MUSK: variants seen among roughly 807,000 people sequenced by gnomAD.
MUSK encodes muscle associated receptor tyrosine kinase, also known as muscle, skeletal receptor tyrosine-protein kinase.
Under a neutral mutation model 88.7 loss-of-function variants are expected in MUSK, and 55 were observed. The observed-to-expected ratio is 0.62, with a 90% confidence interval of 0.50 to 0.78. MUSK has a LOEUF of 0.78. MUSK is among the 30% of genes least tolerant of loss of function. The pLI, the probability that MUSK is intolerant of heterozygous loss-of-function variation, is 0.00. For missense variants in MUSK, 1,015 were observed against 1,074.3 expected (o/e 0.94, Z 0.77); for synonymous variants, 387 against 391.9 (o/e 0.99, Z 0.15).
chr9:110,691,068 T>C (rs917832746), intron 3 of MUSK, among the ~76,000 whole-genome samples: 1 of 151,660 alleles, frequency 6.6e-6, no homozygotes, highest in Admixed American at 6.6e-5. Flanking sequence ...TTTCGCCAAG[T>C]TGGCCAGGCC....
chr9:110,766,263 T>C (rs1342088264), intron 8 of MUSK, among the ~76,000 whole-genome samples: 2 of 152,162 alleles, frequency 1.3e-5, no homozygotes, highest in African/African-American at 4.8e-5. Context: ...GAAGGTCTGT[T>C]TCTGAGGCTG....
At chr9:110,723,394 T>C (rs1587956072) in intron 5 of MUSK, among the ~76,000 whole-genome samples, 1 of 151,994 alleles carries the variant, frequency 6.6e-6, no homozygotes, top group Non-Finnish European at 1.5e-5. Context: ...ATTGTATGTT[T>C]TCATGCATAA....
At chr9:110,670,478 G>A (rs1189653689) in intron 1 of MUSK, among the ~76,000 whole-genome samples, 1 of 152,026 alleles carries the variant, frequency 6.6e-6, no homozygotes, top group Non-Finnish European at 1.5e-5. Context: ...AGGATTTGTT[G>A]TACACACACA....
chr9:110,682,450 A>G (rs2076146129), intron 1 of MUSK, among the ~76,000 whole-genome samples: 1 of 151,884 alleles, frequency 6.6e-6, no homozygotes, highest in Non-Finnish European at 1.5e-5. Context: ...TATATCATAA[A>G]CTCTAAGCCC....
intron 3 of MUSK, among the ~76,000 whole-genome samples, chr9:110,692,667 T>G (rs2076372995): frequency 6.6e-6 from 1 of 152,162 alleles, no homozygotes; most frequent in African/African-American, 2.4e-5. Flanking sequence ...ATGACTATTC[T>G]GTCATTCTGA....
intron 13 of MUSK, among the ~76,000 whole-genome samples, chr9:110,786,722 T>C (rs527621984): frequency 2.0e-5 from 3 of 152,216 alleles, no homozygotes; most frequent in Admixed American, 2.0e-4. Flanking sequence ...GAAAGGAGTA[T>C]GTATTAGGGC....
rs778487184 is a variant in MUSK at position 110,800,766 on chromosome 9, C to G, written c.2388C>G (p.Phe796Leu). The change falls in exon 15 of 15, where the codon TTC becomes TTG. Residue 796 changes from phenylalanine to leucine, a missense_variant. Phe to Leu is a conservative substitution (Grantham distance 22, BLOSUM62 0). Transcript: ENST00000374448. Reference protein sequence around the residue: ...WAYGVVLWEIFSYGLQPYYGM... With the variant: ...WAYGVVLWEILSYGLQPYYGM... ...ATGGCGTGGTCCTCTGGGAGATCTT[C>G]TCCTATGGCCTGCAGCCCTACTATG... 3.1e-6 allele frequency: 5 copies of G among 1,614,030 alleles called. No homozygotes were observed. Among genetic ancestry groups the G allele is most frequent in the Non-Finnish European group, 4.2e-6 (5 of 1,179,900 alleles).
At chr9:110,711,341 G>A (rs2076668779) in intron 5 of MUSK, among the ~76,000 whole-genome samples, 1 of 152,288 alleles carries the variant, frequency 6.6e-6, no homozygotes, top group African/African-American at 2.4e-5. Context: ...GCCATAGCCT[G>A]CACATGATCT....
At position 110,775,777 on chromosome 9, in the gene MUSK, T is replaced by C. The variant is rs1374782118; in HGVS notation, c.1185-11T>C. ...GATTCATCAAGTTTTGTTCTCCATATACTATTTTAGAGAGTACTGCTTGGC... is the reference window on the plus strand; with the variant it reads ...GATTCATCAAGTTTTGTTCTCCATACACTATTTTAGAGAGTACTGCTTGGC... On this transcript the variant is annotated splice_polypyrimidine_tract_variant and intron_variant, in intron 9 of 14. Transcript: ENST00000374448. 2.5e-6 allele frequency: 4 copies of C among 1,613,212 alleles called. No individual in the cohort carries two copies. In the South Asian group the frequency reaches 3.3e-5, roughly 13 times the overall value.
chr9:110,775,198 G>A (rs1228571460), intron 9 of MUSK: 1 of 153,518 alleles, frequency 6.5e-6, no homozygotes, highest in Admixed American at 6.5e-5. Flanking sequence ...TTTCTCAGAT[G>A]GAAGCACGCA....
At chr9:110,750,666 A>G (rs2077236789) in intron 7 of MUSK, among the ~76,000 whole-genome samples, 1 of 152,208 alleles carries the variant, frequency 6.6e-6, no homozygotes, top group South Asian at 2.1e-4. Context: ...CTTTCAAGGC[A>G]TACAGAATTC....
intron 7 of MUSK, among the ~76,000 whole-genome samples, chr9:110,756,905 T>C (rs1262639460): frequency 6.6e-6 from 1 of 152,112 alleles, no homozygotes; most frequent in Non-Finnish European, 1.5e-5. Flanking sequence ...TGTGTGTGTG[T>C]TTACATGTTT....
chr9:110,732,986 T>C (rs1395362795), intron 5 of MUSK, among the ~76,000 whole-genome samples: 1 of 152,140 alleles, frequency 6.6e-6, no homozygotes, highest in African/African-American at 2.4e-5. Context: ...ACTCTGGACC[T>C]GTTCTATCAT....
At chr9:110,689,773 C>CTT (rs1564218225) in intron 3 of MUSK, among the ~76,000 whole-genome samples, 4 of 74,796 alleles carry the variant, frequency 5.3e-5, no homozygotes, top group Admixed American at 4.6e-4. Context: ...ATATATATCA[C>CTT]ATATAGTTTA....
intron 3 of MUSK, among the ~76,000 whole-genome samples, chr9:110,688,122 G>A (rs1490917907): frequency 6.6e-6 from 1 of 151,958 alleles, no homozygotes; most frequent in Non-Finnish European, 1.5e-5. Context: ...TCTTTCCTCT[G>A]ATGAGGGCTT....
chr9:110,751,147 G>GT (rs763420775), intron 7 of MUSK, among the ~76,000 whole-genome samples: 1 of 152,266 alleles, frequency 6.6e-6, no homozygotes, highest in Non-Finnish European at 1.5e-5. Context: ...CAATCTTTAA[G>GT]ATGCCGAGAG....
At chr9:110,677,611 C>T (rs1338333210) in intron 1 of MUSK, among the ~76,000 whole-genome samples, 1 of 152,252 alleles carries the variant, frequency 6.6e-6, no homozygotes, top group East Asian at 1.9e-4. Flanking sequence ...CCTCCGTCTT[C>T]AGGCTTTCAC....
intron 5 of MUSK, among the ~76,000 whole-genome samples, chr9:110,723,585 CAAT>C (rs1486341745): frequency 1.3e-5 from 2 of 152,014 alleles, no homozygotes; most frequent in Admixed American, 6.6e-5. Context: ...AAAACTACAA[CAAT>C]GTCAAATTGT....
intron 1 of MUSK, among the ~76,000 whole-genome samples, chr9:110,670,123 G>C (rs2075938460): frequency 6.6e-6 from 1 of 151,986 alleles, no homozygotes; most frequent in African/African-American, 2.4e-5. Context: ...TCATTTTGTT[G>C]CTTCTCTTTT....
Sources: allele counts gnomAD v4.1 joint callset (sites outside exome capture counted in the v4.1 genomes callset), GRCh38; gene constraint gnomAD v4.1.1; transcripts MANE v1.5; gene names NCBI Gene and HGNC (gene_info 2026-07-23, HGNC 2026-07-21).